The following ATXN1 variants were observed in gnomAD, a reference collection of about 807,000 sequenced individuals.
The protein encoded by ATXN1 is ataxin-1.
A neutral mutation model predicts 56.4 loss-of-function variants in ATXN1; 8 were observed. The observed-to-expected ratio is 0.14, with a 90% CI of 0.08 to 0.26. ATXN1 has a LOEUF of 0.26. Among genes scored for constraint, ATXN1 ranks in the 10% least tolerant of loss-of-function variants. The pLI is 1.00. For synonymous variants in ATXN1, 514 were observed against 494.6 expected (o/e 1.04, Z -0.52); for missense variants, 987 against 1,106.5 (o/e 0.89, Z 1.53).
chr6:16,567,495 G>A (rs1437990108), intron 4 of ATXN1, among the ~76,000 whole-genome samples: 2 of 152,136 alleles, frequency 1.3e-5, no homozygotes, highest in East Asian at 1.9e-4. Context: ...ATGTGTGAGG[G>A]GGGAACAAAG....
chr6:16,443,826 C>T (rs985543798), intron 6 of ATXN1, among the ~76,000 whole-genome samples: 2 of 152,094 alleles, frequency 1.3e-5, no homozygotes, highest in African/African-American at 4.8e-5. Flanking sequence ...TTAAAAAATA[C>T]GTACACACGG....
intron 4 of ATXN1, among the ~76,000 whole-genome samples, chr6:16,577,246 G>A (rs923338977): frequency 2.0e-5 from 3 of 152,122 alleles, no homozygotes; most frequent in African/African-American, 4.8e-5. Flanking sequence ...TGGTTTGGCC[G>A]GGCACGGTGG....
intron 3 of ATXN1, among the ~76,000 whole-genome samples, chr6:16,638,901 G>A (rs964370896): frequency 1.3e-5 from 2 of 152,146 alleles, no homozygotes; most frequent in African/African-American, 4.8e-5. Context: ...GCTAGTCGGT[G>A]GCTATAATTA....
chr6:16,443,920 T>C (rs1176555697), intron 6 of ATXN1, among the ~76,000 whole-genome samples: 1 of 151,998 alleles, frequency 6.6e-6, no homozygotes, highest in Non-Finnish European at 1.5e-5. Flanking sequence ...ATCGAGACCA[T>C]CCTGGCTAAC....
intron 6 of ATXN1, among the ~76,000 whole-genome samples, chr6:16,471,709 G>GTGTGTGTA (rs1760222181): frequency 6.6e-6 from 1 of 151,994 alleles, no homozygotes; most frequent in Non-Finnish European, 1.5e-5. Context: ...GTGTGTGTGT[G>GTGTGTGTA]TGAGACAGAA....
chr6:16,407,631 G>C (rs1200678449), intron 6 of ATXN1, among the ~76,000 whole-genome samples: 1 of 152,218 alleles, frequency 6.6e-6, no homozygotes, highest in African/African-American at 2.4e-5. Context: ...AAAATTCCCA[G>C]GGGCACAGTT....
intron 2 of ATXN1, among the ~76,000 whole-genome samples, chr6:16,730,523 A>G (rs999262547): frequency 1.1e-4 from 16 of 147,134 alleles, no homozygotes; most frequent in African/African-American, 4.0e-4. Context: ...ATTTATACAT[A>G]TATAATGTAA....
At chr6:16,396,787 A>G (rs752665553) in intron 6 of ATXN1, among the ~76,000 whole-genome samples, 4 of 152,154 alleles carry the variant, frequency 2.6e-5, no homozygotes, top group Non-Finnish European at 5.9e-5. Flanking sequence ...CCCTTTTAAA[A>G]TCTTTTCTAC....
chr6:16,703,791 G>A (rs942677392), intron 2 of ATXN1, among the ~76,000 whole-genome samples: 7 of 152,212 alleles, frequency 4.6e-5, no homozygotes, highest in Admixed American at 2.6e-4. Context: ...AGGCCGAGGC[G>A]GGTGGATCAC....
At chr6:16,387,774 C>T (rs1265791908) in intron 6 of ATXN1, among the ~76,000 whole-genome samples, 1 of 152,176 alleles carries the variant, frequency 6.6e-6, no homozygotes, top group Non-Finnish European at 1.5e-5. Flanking sequence ...AATATCGAAT[C>T]AGGCTATCAG....
At chr6:16,723,225 G>A (rs926101814) in intron 2 of ATXN1, among the ~76,000 whole-genome samples, 6 of 151,990 alleles carry the variant, frequency 3.9e-5, no homozygotes, top group African/African-American at 1.5e-4. Flanking sequence ...TCCTTCCAGA[G>A]ATAGAGTAAC....
chr6:16,702,500 T>C (rs1355799054), intron 2 of ATXN1, among the ~76,000 whole-genome samples: 1 of 152,080 alleles, frequency 6.6e-6, no homozygotes, highest in Non-Finnish European at 1.5e-5. Context: ...CTAATTAAAC[T>C]AAAGAGCTTC....
At chr6:16,397,014 TATG>T (rs1758472086) in intron 6 of ATXN1, among the ~76,000 whole-genome samples, 1 of 152,206 alleles carries the variant, frequency 6.6e-6, no homozygotes, top group East Asian at 1.9e-4. Context: ...GAACACACTT[TATG>T]ATATTTGCAG....
chr6:16,441,976 A>C (rs1581764932), intron 6 of ATXN1, among the ~76,000 whole-genome samples: 1 of 152,350 alleles, frequency 6.6e-6, no homozygotes, highest in African/African-American at 2.4e-5. Flanking sequence ...CTGAAGCACA[A>C]ATTCTAGAAG....
intron 4 of ATXN1, among the ~76,000 whole-genome samples, chr6:16,562,456 G>A (rs1581846019): frequency 1.8e-5 from 1 of 54,618 alleles, no homozygotes; most frequent in East Asian, 3.2e-4. Flanking sequence ...GAAAGAAAAG[G>A]AGAGGAGAGG....
chr6:16,590,425 C>T (rs1762702427), intron 3 of ATXN1, among the ~76,000 whole-genome samples: 1 of 152,150 alleles, frequency 6.6e-6, no homozygotes, highest in Admixed American at 6.5e-5. Flanking sequence ...ACTCATAATT[C>T]TGCCCTATGT....
chr6:16,699,994 C>A (rs1029313729), intron 2 of ATXN1, among the ~76,000 whole-genome samples: 2 of 152,116 alleles, frequency 1.3e-5, no homozygotes, highest in African/African-American at 4.8e-5. Context: ...AAATGATCCG[C>A]TGAATGAAAA....
chr6:16,519,056 T>G (rs1428605652), intron 5 of ATXN1, among the ~76,000 whole-genome samples: 1 of 152,246 alleles, frequency 6.6e-6, no homozygotes, highest in Non-Finnish European at 1.5e-5. Context: ...CACAATTTCC[T>G]TGGGAGATGG....
intron 6 of ATXN1, among the ~76,000 whole-genome samples, chr6:16,394,154 G>A (rs1758409139): frequency 1.3e-5 from 2 of 152,052 alleles, no homozygotes; most frequent in Non-Finnish European, 1.5e-5. Flanking sequence ...CTAGGCCTCT[G>A]AGTCTCCACT....
Sources: gnomAD v4.1 joint callset for allele counts (sites outside exome capture counted in the v4.1 genomes callset) on GRCh38, gnomAD v4.1.1 for gene constraint, MANE v1.5 for transcripts, NCBI Gene and HGNC (gene_info 2026-07-23, HGNC 2026-07-21) for gene names.